Variants in CNNM2 observed in about 807,000 individuals in gnomAD.
CNNM2 encodes cyclin and CBS domain divalent metal cation transport mediator 2.
CNNM2 carries 12 observed loss-of-function variants against 66.9 expected under a neutral mutation model. The ratio of observed to expected loss-of-function variants is 0.18; its 90% CI spans 0.11 to 0.29. The LOEUF is 0.29. Among genes scored for constraint, CNNM2 ranks in the 10% least tolerant of loss-of-function variants. CNNM2 has a pLI of 1.00. For missense variants in CNNM2, 705 were observed against 1,167.7 expected (o/e 0.60, Z 5.77); for synonymous variants, 557 against 501.8 (o/e 1.11, Z -1.47).
At chr10:102,961,855 GT>G (rs1471763226) in intron 1 of CNNM2, among the ~76,000 whole-genome samples, 1 of 151,820 alleles carries the variant, frequency 6.6e-6, no homozygotes, top group Non-Finnish European at 1.5e-5. Context: ...GAGCCCAGAA[GT>G]TTGAGACCAG....
In CNNM2 at chr10:103,054,235, C is replaced by G. The variant is rs552768181; in HGVS notation, c.1766-94C>G. On this transcript the variant is annotated intron_variant, in intron 2 of 7. Transcript: ENST00000369878. The surrounding 1 kb of genome is among the most constrained non-coding windows in gnomAD (Gnocchi z 5.2). Reference sequence around the variant, plus strand: ...GCCTGCATCTGGAAATACAGTCCAGCTCTTCCAATATATTTTGTCTTTTTC... The same window carrying G: ...GCCTGCATCTGGAAATACAGTCCAGGTCTTCCAATATATTTTGTCTTTTTC... The G allele has an allele frequency of 7.2e-7, 1 of 1,386,688 alleles. No homozygotes were observed. The highest frequency in any genetic ancestry group is 1.4e-5 in the African/African-American group (1 of 69,024). 85.9% of individuals were successfully genotyped at this position (1,386,688 alleles called of 1,614,324 possible). A position where few individuals can be genotyped will look rare whatever the true frequency, so the allele number is the denominator to read the frequency against.
chr10:102,918,671 C>T lies in CNNM2; in HGVS notation c.191C>T (p.Ala64Val), dbSNP rs1305251556. The T allele has an allele frequency of 1.3e-6, 2 of 1,551,490 alleles. No homozygotes were observed. The highest frequency in any genetic ancestry group is 1.7e-6 in the Non-Finnish European group (2 of 1,148,050). ...LSCCCGAGGCAAVGENEETVI... is the reference protein window; with the variant it reads ...LSCCCGAGGCVAVGENEETVI... ...TGCTGCTGCGGTGCGGGCGGCTGCGCAGCGGTGGGCGAGAATGAGGAGACG... is the reference window on the plus strand; with the variant it reads ...TGCTGCTGCGGTGCGGGCGGCTGCGTAGCGGTGGGCGAGAATGAGGAGACG... Residue 64 changes from alanine (A) to valine (V), a missense_variant, in exon 1 of 8, where the codon GCA becomes GTA. Ala to Val is a moderately conservative substitution (Grantham distance 64, BLOSUM62 0). Transcript: ENST00000369878. This position sits in a 1 kb window ranked among gnomAD's most constrained non-coding sequence, Gnocchi z 4.1.
chr10:103,038,220 TC>T (rs1473828364), intron 1 of CNNM2, among the ~76,000 whole-genome samples: 5 of 152,188 alleles, frequency 3.3e-5, no homozygotes, highest in African/African-American at 1.2e-4. Context: ...TTCCCAAATC[TC>T]CATTGATAAA....
intron 1 of CNNM2, among the ~76,000 whole-genome samples, chr10:102,934,019 T>C (rs1424919933): frequency 6.6e-6 from 1 of 151,258 alleles, no homozygotes; most frequent in Admixed American, 6.6e-5. Context: ...TTTTTTTTTT[T>C]TTTTTGGAGA....
rs752312041 is a variant in CNNM2 at position 103,089,675 on chromosome 10, T to TTCTTCC, written c.*12498_*12503dup. Reference sequence around the variant, plus strand: ...CTTGGGGTTTTGGTTTTCCTCCTTATTCTTCCTCCTCCTCCTCCTCTTCAT... The same window carrying TTCTTCC: ...CTTGGGGTTTTGGTTTTCCTCCTTATTCTTCCTCTTCCTCCTCCTCCTCCTCTTCAT... On this transcript the variant is annotated 3_prime_UTR_variant, in exon 8 of 8. Coordinates refer to ENST00000369878, the MANE Select transcript of CNNM2 (RefSeq NM_017649.5). 1 of 1,597,208 alleles carries TTCTTCC rather than the reference T, an allele frequency of 6.3e-7. No homozygotes were observed. The highest frequency in any genetic ancestry group is 8.5e-7 in the Non-Finnish European group (1 of 1,171,998).
intron 1 of CNNM2, among the ~76,000 whole-genome samples, chr10:102,985,888 T>G (rs1006901387): frequency 5.9e-5 from 9 of 152,168 alleles, no homozygotes; most frequent in Non-Finnish European, 1.0e-4. Context: ...TGTTCAGACT[T>G]CAGAGTATTA....
chr10:102,918,546 G>T lies in CNNM2; in HGVS notation c.66G>T (p.Leu22=), dbSNP rs1447220011. The T allele has an allele frequency of 5.0e-6, 8 of 1,599,816 alleles. No homozygotes were observed. Among genetic ancestry groups the T allele is most frequent in the Non-Finnish European group, 6.8e-6 (8 of 1,175,766 alleles). The change falls in exon 1 of 8, where the codon CTG becomes CTT. Residue 22 remains leucine (L), a synonymous_variant. Coordinates refer to ENST00000369878, the MANE Select transcript of CNNM2 (RefSeq NM_017649.5). This position sits in a 1 kb window ranked among gnomAD's most constrained non-coding sequence, Gnocchi z 4.1. ...KMAGGQAAAA[L]PTWKMAARRS... is the part of the protein sequence containing the mutation. Reference sequence around the variant, plus strand: ...CGGGCGGGCAGGCAGCCGCCGCACTGCCCACTTGGAAGATGGCGGCGCGCC... The same window carrying T: ...CGGGCGGGCAGGCAGCCGCCGCACTTCCCACTTGGAAGATGGCGGCGCGCC...
chr10:102,937,806 G>A (rs185058105), intron 1 of CNNM2, among the ~76,000 whole-genome samples: 3 of 149,112 alleles, frequency 2.0e-5, no homozygotes, highest in African/African-American at 7.4e-5. Flanking sequence ...TCTTTTTTTG[G>A]TAGAGACAGG....
intron 1 of CNNM2, among the ~76,000 whole-genome samples, chr10:102,925,223 G>T (rs990192289): frequency 7.4e-5 from 11 of 149,492 alleles, no homozygotes; most frequent in Middle Eastern, 3.2e-3. Context: ...TTGAACCCGG[G>T]AGGCGGAGGC....
rs1052244633 is a variant in CNNM2 at position 103,083,680 on chromosome 10, C to T, written c.*6500C>T. On this transcript the variant is annotated 3_prime_UTR_variant, in exon 8 of 8. Coordinates refer to ENST00000369878, the MANE Select transcript of CNNM2 (RefSeq NM_017649.5). ...TATAATCTGTTCTCCATCAGTTACT[C>T]TCTACATAAGAACATTCGGAGTATC... The T allele has an allele frequency of 6.6e-5, 10 of 152,342 alleles. No individual in the cohort carries two copies. In the East Asian group the frequency reaches 1.7e-3, roughly 26 times the overall value. 9.4% of individuals were successfully genotyped at this position (152,342 alleles called of 1,614,324 possible).
At chr10:103,024,367 A>G (rs780788695) in intron 1 of CNNM2, among the ~76,000 whole-genome samples, 11 of 152,246 alleles carry the variant, frequency 7.2e-5, no homozygotes, top group Middle Eastern at 3.2e-3. Flanking sequence ...AAATATTTCA[A>G]AACAGATTCA....
Position 103,054,214 on chromosome 10 carries a change from G to T in CNNM2, c.1766-115G>T. ...CGTGGCATCTGTGCATAGAGCGCCT[G>T]CATCTGGAAATACAGTCCAGCTCTT... is the stretch of plus-strand genomic sequence containing the variant. On this transcript the variant is annotated intron_variant, in intron 2 of 7. Coordinates refer to ENST00000369878, the MANE Select transcript of CNNM2 (RefSeq NM_017649.5). This position sits in a 1 kb window ranked among gnomAD's most constrained non-coding sequence, Gnocchi z 5.2. 8.3e-7 allele frequency: 1 copy of T among 1,199,286 alleles called. No individual in the cohort carries two copies. Among genetic ancestry groups the T allele is most frequent in the Non-Finnish European group, 1.2e-6 (1 of 856,042 alleles). The allele number at this position is 1,199,286 out of a possible 1,614,324, so 74.3% of individuals were successfully genotyped here. A position where few individuals can be genotyped will look rare whatever the true frequency, so the allele number is the denominator to read the frequency against.
At chr10:103,008,626 A>G (rs1048127887) in intron 1 of CNNM2, among the ~76,000 whole-genome samples, 7 of 152,050 alleles carry the variant, frequency 4.6e-5, no homozygotes, top group Non-Finnish European at 1.0e-4. Flanking sequence ...CAAAAATACA[A>G]AAATTAGCCG....
chr10:103,007,468 T>C (rs1364574976), intron 1 of CNNM2, among the ~76,000 whole-genome samples: 3 of 152,140 alleles, frequency 2.0e-5, no homozygotes, highest in Non-Finnish European at 4.4e-5. Context: ...ATGTCAGTCC[T>C]TATCTCAACC....
At chr10:103,028,109 T>C (rs768092977) in intron 1 of CNNM2, among the ~76,000 whole-genome samples, 3 of 152,252 alleles carry the variant, frequency 2.0e-5, no homozygotes, top group Middle Eastern at 3.2e-3. Context: ...CTAGATCTGC[T>C]GAACATTGTA....
chr10:102,986,552 G>T (rs2063800612), intron 1 of CNNM2, among the ~76,000 whole-genome samples: 5 of 152,096 alleles, frequency 3.3e-5, no homozygotes, highest in Admixed American at 3.3e-4. Context: ...GGAGGCCGAG[G>T]TGGGCGGATC....
At chr10:103,005,079 A>T (rs980453198) in intron 1 of CNNM2, among the ~76,000 whole-genome samples, 2 of 151,480 alleles carry the variant, frequency 1.3e-5, no homozygotes, top group Non-Finnish European at 2.9e-5. Flanking sequence ...CACCCAGCTA[A>T]TTTTTTTGTA....
intron 1 of CNNM2, among the ~76,000 whole-genome samples, chr10:103,003,959 TTGCTGAGTAGTACTCCATTGCATGAA>T (rs1287830528): frequency 8.8e-4 from 132 of 149,838 alleles, no homozygotes; most frequent in Non-Finnish European, 1.2e-3. Context: ...TGCATTCTCA[TTGCTGAGTAGTACTCCATTGCATGAA>T]TTTTTTTTTT....
chr10:103,067,559 G>A (rs941552268), intron 4 of CNNM2, among the ~76,000 whole-genome samples: 1 of 152,148 alleles, frequency 6.6e-6, no homozygotes, highest in East Asian at 1.9e-4. Context: ...CATTGTAAAG[G>A]ATGCCTCACA....
Sources: gnomAD v4.1 joint callset for allele counts (sites outside exome capture counted in the v4.1 genomes callset) on GRCh38, gnomAD v4.1.1 for gene constraint, Gnocchi (gnomAD v3.1) non-coding constraint, MANE v1.5 for transcripts, NCBI Gene and HGNC (gene_info 2026-07-23, HGNC 2026-07-21) for gene names.